Variants in PDGFC observed in about 807,000 individuals in gnomAD.
PDGFC encodes the protein platelet derived growth factor C.
In PDGFC, 12 loss-of-function variants were observed where a neutral mutation model predicts 35.5. The observed-to-expected ratio is 0.34, with a 90% CI of 0.22 to 0.55. The LOEUF (loss-of-function observed/expected upper bound fraction) is 0.55, where lower values mean the gene tolerates loss of function less well. PDGFC is among the 20% of genes least tolerant of loss of function. The pLI is 0.91. For synonymous variants in PDGFC, 159 were observed against 148.8 expected, an observed-to-expected ratio of 1.07 and a Z score of -0.50; for missense variants, 322 against 412.4, an observed-to-expected ratio of 0.78 and a Z score of 1.90.
At chr4:156,881,230 A>G (rs1007924001) in intron 1 of PDGFC, among the ~76,000 whole-genome samples, 3 of 152,228 alleles carry the variant, frequency 2.0e-5, no homozygotes. Context: ...CAAAAAGGTT[A>G]CTACTTGCTA....
At chr4:156,809,450 A>G (rs1414587821) in intron 3 of PDGFC, among the ~76,000 whole-genome samples, 3 of 151,976 alleles carry the variant, frequency 2.0e-5, no homozygotes, top group African/African-American at 4.8e-5. Flanking sequence ...GAATCTGACA[A>G]CTTTCACACA....
rs149960887 is a variant in PDGFC at position 156,820,098 on chromosome 4, G to A, written c.315-9081C>T. ...ATGATAAACATTGAATGAATGAGGA[G>A]TTGCTTCTTATGGATGGGCAAACAA... On this transcript the variant is annotated intron_variant, in intron 2 of 5. Coordinates refer to ENST00000502773, the MANE Select transcript of PDGFC (RefSeq NM_016205.3). 3.2e-3 allele frequency among the ~76,000 whole-genome samples: 485 copies of A among 152,302 alleles called. 4 individuals carry two copies. Among genetic ancestry groups the A allele is most frequent in the African/African-American group, 0.011 (468 of 41,562 alleles).
intron 1 of PDGFC, among the ~76,000 whole-genome samples, chr4:156,913,131 T>A (rs989081487): frequency 6.6e-6 from 1 of 152,164 alleles, no homozygotes; most frequent in East Asian, 1.9e-4. Context: ...CTGAAAGATA[T>A]ACATACCCTT....
chr4:156,848,496 G>A (rs1335393272), intron 2 of PDGFC, among the ~76,000 whole-genome samples: 3 of 151,866 alleles, frequency 2.0e-5, no homozygotes, highest in Non-Finnish European at 4.4e-5. Context: ...AAAAAAGGTT[G>A]ATTATTTCTA....
intron 1 of PDGFC, among the ~76,000 whole-genome samples, chr4:156,918,730 G>A (rs1339196292): frequency 1.3e-5 from 2 of 152,120 alleles, no homozygotes; most frequent in East Asian, 1.9e-4. Context: ...TGGTCTGAAG[G>A]ACAACTCTCT....
intron 2 of PDGFC, among the ~76,000 whole-genome samples, chr4:156,829,250 G>A (rs1579039797): frequency 6.6e-6 from 1 of 152,098 alleles, no homozygotes; most frequent in Non-Finnish European, 1.5e-5. Flanking sequence ...ATTGTTGAAC[G>A]AGGAATTAAG....
In PDGFC at chr4:156,970,928, C is replaced by G. The variant is rs769917179; in HGVS notation, c.-25G>C. 1.3e-6 allele frequency: 2 copies of G among 1,499,616 alleles called. No individual in the cohort carries two copies. Among genetic ancestry groups the G allele is most frequent in the Non-Finnish European group, 9.3e-7 (1 of 1,077,506 alleles). The allele number at this position is 1,499,616 out of a possible 1,614,324, so 92.9% of individuals were successfully genotyped here. On this transcript the variant is annotated 5_prime_UTR_variant, in exon 1 of 6. Coordinates refer to ENST00000502773, the MANE Select transcript of PDGFC (RefSeq NM_016205.3). The stretch of plus-strand genomic sequence containing the variant: ...TTTGGCTGACTGGGGTGAGAGCTCA[C>G]TCACGGCGGGCACTTTGGAAGCAGC...
At chr4:156,800,590 T>C (rs1731575638) in intron 3 of PDGFC, among the ~76,000 whole-genome samples, 1 of 152,220 alleles carries the variant, frequency 6.6e-6, no homozygotes, top group South Asian at 2.1e-4. Context: ...GAGTAGCATT[T>C]TCTCAAATGT....
chr4:156,951,501 T>C (rs1579121451), intron 1 of PDGFC, among the ~76,000 whole-genome samples: 1 of 151,818 alleles, frequency 6.6e-6, no homozygotes, highest in East Asian at 2.0e-4. Flanking sequence ...GGTCTCCCCT[T>C]TGAGACTGAC....
At chr4:156,781,807 A>G (rs1023149034) in intron 3 of PDGFC, among the ~76,000 whole-genome samples, 1 of 152,162 alleles carries the variant, frequency 6.6e-6, no homozygotes, top group Non-Finnish European at 1.5e-5. Flanking sequence ...ACCTAGGAAA[A>G]CTGGTATAAG....
intron 1 of PDGFC, among the ~76,000 whole-genome samples, chr4:156,926,045 G>A (rs1306091368): frequency 1.6e-5 from 1 of 62,026 alleles, no homozygotes; most frequent in Non-Finnish European, 2.9e-5. Context: ...AGTAAGATCT[G>A]TCTCAAAAAA....
intron 1 of PDGFC, among the ~76,000 whole-genome samples, chr4:156,950,785 G>T (rs146985445): frequency 6.6e-6 from 1 of 151,538 alleles, no homozygotes; most frequent in Non-Finnish European, 1.5e-5. Context: ...TTGTTGAATT[G>T]CTAAATGACT....
chr4:156,954,428 A>G lies in PDGFC; in HGVS notation c.118+16358T>C, dbSNP rs1038073670. Among the ~76,000 whole-genome samples, 4 of 152,010 alleles carry G rather than the reference A, an allele frequency of 2.6e-5. No individual in the cohort carries two copies. The South Asian group carries it at 8.3e-4, about 31-fold the overall frequency. The stretch of plus-strand genomic sequence containing the variant: ...AACCTCAAAGCAAAAGAGAAAAACA[A>G]ACTAAAAATAAGAAAGCACATGAGT... On this transcript the variant is annotated intron_variant, in intron 1 of 5. Coordinates refer to ENST00000502773, the MANE Select transcript of PDGFC (RefSeq NM_016205.3).
chr4:156,786,304 G>C (rs2110864468), intron 3 of PDGFC, among the ~76,000 whole-genome samples: 1 of 152,248 alleles, frequency 6.6e-6, no homozygotes, highest in Non-Finnish European at 1.5e-5. Context: ...CACATACAAT[G>C]TTAGATGGTA....
chr4:156,959,117 T>C (rs1414752992), intron 1 of PDGFC, among the ~76,000 whole-genome samples: 1 of 152,044 alleles, frequency 6.6e-6, no homozygotes, highest in African/African-American at 2.4e-5. Flanking sequence ...AGAAATCAGA[T>C]CAATTCAATC....
chr4:156,772,690 G>A lies in PDGFC; in HGVS notation c.699C>T (p.Ser233=). 6.2e-7 allele frequency: 1 copy of A among 1,608,548 alleles called. No individual in the cohort carries two copies. Among genetic ancestry groups the A allele is most frequent in the East Asian group, 2.2e-5 (1 of 44,806 alleles). Residue 233 remains serine, a synonymous_variant, in exon 4 of 6, where the codon TCC becomes TCT. Coordinates refer to ENST00000502773, the MANE Select transcript of PDGFC (RefSeq NM_016205.3). ...TAATCTGAAGAGGGAGCTTACCTCTGGATTTTCTTCCAAAAACAAAAGCCT... is the reference window on the plus strand; with the variant it reads ...TAATCTGAAGAGGGAGCTTACCTCTAGATTTTCTTCCAAAAACAAAAGCCT... ...LGKAFVFGRK[S]RVVDLNLLTE... is the part of the protein sequence containing the mutation.
At chr4:156,779,740 C>T (rs544846363) in intron 3 of PDGFC, among the ~76,000 whole-genome samples, 10 of 152,300 alleles carry the variant, frequency 6.6e-5, no homozygotes, top group Admixed American at 3.3e-4. Flanking sequence ...ACAACTGCTA[C>T]GGACTCACTT....
intron 3 of PDGFC, among the ~76,000 whole-genome samples, chr4:156,776,698 C>T (rs181888761): frequency 1.2e-4 from 19 of 152,250 alleles, no homozygotes; most frequent in South Asian, 1.2e-3. Context: ...TATGCAAAAT[C>T]GGGTCTTTAA....
intron 1 of PDGFC, among the ~76,000 whole-genome samples, chr4:156,923,059 T>C (rs1731324992): frequency 1.3e-5 from 2 of 152,178 alleles, no homozygotes; most frequent in Admixed American, 1.3e-4. Flanking sequence ...TAAATCAGAT[T>C]GCTTTATTTC....
Sources: allele counts gnomAD v4.1 joint callset (sites outside exome capture counted in the v4.1 genomes callset), GRCh38; gene constraint gnomAD v4.1.1; transcripts MANE v1.5; gene names NCBI Gene and HGNC (gene_info 2026-07-23, HGNC 2026-07-21).